GBE1: variants seen among roughly 807,000 people sequenced by gnomAD.
GBE1 encodes the protein 1,4-alpha-glucan-branching enzyme.
Under a neutral mutation model 88.8 loss-of-function variants are expected in GBE1, and 70 were observed. The observed-to-expected ratio is 0.79, with a 90% confidence interval of 0.65 to 0.96. The LOEUF is 0.96. Ranked by LOEUF, GBE1 falls within the 40% of genes least tolerant of loss-of-function variation. The pLI, the probability that GBE1 is intolerant of heterozygous loss-of-function variation, is 0.00. For missense variants in GBE1, 872 were observed against 871.0 expected, an observed-to-expected ratio of 1.00 and a Z score of -0.01; for synonymous variants, 284 against 300.1, an observed-to-expected ratio of 0.95 and a Z score of 0.56.
chr3:81,627,450 T>C lies in GBE1; in HGVS notation c.992+15331A>G, dbSNP rs1006819998. Among the ~76,000 whole-genome samples the C allele has an allele frequency of 2.0e-5, 3 of 152,222 alleles. No homozygotes were observed. The South Asian group carries it at 6.2e-4, about 32-fold the overall frequency. ...TATGATAATAATGCAATCCAATAAC[T>C]GGTATAATAAAACACATACTCACAT... On this transcript the variant is annotated intron_variant, in intron 7 of 15. Transcript: ENST00000429644.
At chr3:81,602,902 C>CACTCGAT in intron 7 of GBE1, among the ~76,000 whole-genome samples, 1 of 152,266 alleles carries the variant, frequency 6.6e-6, no homozygotes, top group Non-Finnish European at 1.5e-5. Flanking sequence ...AGAAACTTCT[C>CACTCGAT]ACTCGATACT....
chr3:81,693,635 AG>A (rs1705552757), intron 2 of GBE1, among the ~76,000 whole-genome samples: 1 of 152,120 alleles, frequency 6.6e-6, no homozygotes, highest in African/African-American at 2.4e-5. Context: ...CTGTTACTTA[AG>A]GGAAGGAAAG....
chr3:81,576,177 C>A (rs1576155701), intron 12 of GBE1, among the ~76,000 whole-genome samples: 1 of 151,558 alleles, frequency 6.6e-6, no homozygotes, highest in Non-Finnish European at 1.5e-5. Context: ...ACCTAATAAA[C>A]ATTTTATTAC....
chr3:81,706,794 TAA>T (rs2107170537), intron 1 of GBE1, among the ~76,000 whole-genome samples: 1 of 151,964 alleles, frequency 6.6e-6, no homozygotes, highest in South Asian at 2.1e-4. Flanking sequence ...GAATGAAAAG[TAA>T]AAGACTGCAG....
intron 12 of GBE1, among the ~76,000 whole-genome samples, chr3:81,539,685 C>A (rs971362936): frequency 6.6e-6 from 1 of 151,816 alleles, no homozygotes; most frequent in Non-Finnish European, 1.5e-5. Context: ...GACTGAATGG[C>A]GACAGTGAGG....
intron 2 of GBE1, among the ~76,000 whole-genome samples, chr3:81,700,704 T>G (rs907488083): frequency 2.6e-5 from 4 of 152,142 alleles, no homozygotes; most frequent in African/African-American, 9.7e-5. Context: ...AAAAAAATTA[T>G]AGACAAAACT....
chr3:81,500,233 A>G (rs945352028), intron 14 of GBE1, among the ~76,000 whole-genome samples: 1 of 152,132 alleles, frequency 6.6e-6, no homozygotes, highest in Non-Finnish European at 1.5e-5. Context: ...GAAACTGATA[A>G]TCAGAATATT....
chr3:81,685,311 GTT>G (rs1292248079), intron 2 of GBE1, among the ~76,000 whole-genome samples: 3 of 152,132 alleles, frequency 2.0e-5, no homozygotes, highest in African/African-American at 7.2e-5. Context: ...AGAAAGACAA[GTT>G]TTTTGTTGTT....
chr3:81,619,219 T>C (rs1048595765), intron 7 of GBE1, among the ~76,000 whole-genome samples: 1 of 152,122 alleles, frequency 6.6e-6, no homozygotes, highest in Non-Finnish European at 1.5e-5. Context: ...GCATGTAGTA[T>C]TCATTCTATA....
chr3:81,571,972 C>A (rs989927609), intron 12 of GBE1, among the ~76,000 whole-genome samples: 1 of 152,042 alleles, frequency 6.6e-6, no homozygotes, highest in Non-Finnish European at 1.5e-5. Flanking sequence ...GTGTCCCCAC[C>A]CAAATCTCAT....
chr3:81,705,319 G>C, intron 2 of GBE1, 125 bp downstream of exon 2: 1 of 713,118 alleles, frequency 1.4e-6, no homozygotes, highest in Non-Finnish European at 2.2e-6. Flanking sequence ...GGCTCTATCT[G>C]AAAAGTCTGA....
chr3:81,597,759 C>T (rs1576164090), intron 7 of GBE1, among the ~76,000 whole-genome samples: 1 of 151,410 alleles, frequency 6.6e-6, no homozygotes, highest in Non-Finnish European at 1.5e-5. Flanking sequence ...GTCAAAGGTG[C>T]CTAATATAGA....
At chr3:81,569,931 A>G (rs1028166645) in intron 12 of GBE1, among the ~76,000 whole-genome samples, 5 of 152,056 alleles carry the variant, frequency 3.3e-5, no homozygotes, top group African/African-American at 1.2e-4. Context: ...TCTCTGCCTC[A>G]GCCTCCCGAG....
chr3:81,755,797 TGGA>T (rs1164634769), intron 1 of GBE1, among the ~76,000 whole-genome samples: 2 of 152,048 alleles, frequency 1.3e-5, no homozygotes, highest in Admixed American at 6.6e-5. Context: ...GAAAGTAGAT[TGGA>T]GGTTACCAGA....
chr3:81,593,893 T>TA lies in GBE1; in HGVS notation c.1108+14dup. 7.5e-7 allele frequency: 1 copy of TA among 1,330,036 alleles called. No individual in the cohort carries two copies. The highest frequency in any genetic ancestry group is 1.1e-6 in the Non-Finnish European group (1 of 948,562). 82.4% of individuals were successfully genotyped at this position (1,330,036 alleles called of 1,614,324 possible). On this transcript the variant is annotated intron_variant, in intron 8 of 15. Transcript: ENST00000429644. ...CTGCAATTAACCCCAAACCTGATTATATCAGGTTACCTACCCACTCCATGG... is the reference window on the plus strand; with the variant it reads ...CTGCAATTAACCCCAAACCTGATTATAATCAGGTTACCTACCCACTCCATGG...
intron 12 of GBE1, among the ~76,000 whole-genome samples, chr3:81,548,765 T>C (rs895903471): frequency 4.6e-5 from 7 of 150,722 alleles, no homozygotes; most frequent in Non-Finnish European, 1.0e-4. Flanking sequence ...AGGACTCTCA[T>C]GGAGAGCTGA....
intron 14 of GBE1, among the ~76,000 whole-genome samples, chr3:81,508,895 A>T (rs2106824784): frequency 6.6e-6 from 1 of 152,062 alleles, no homozygotes; most frequent in East Asian, 1.9e-4. Flanking sequence ...TACTTCCTGG[A>T]GGCTCAGTCT....
chr3:81,727,960 A>G (rs1706135383), intron 1 of GBE1, among the ~76,000 whole-genome samples: 1 of 152,086 alleles, frequency 6.6e-6, no homozygotes, highest in Non-Finnish European at 1.5e-5. Flanking sequence ...TGCTCCTATA[A>G]TATTATTTAG....
chr3:81,661,112 C>T (rs980935404), intron 3 of GBE1, among the ~76,000 whole-genome samples: 1 of 151,084 alleles, frequency 6.6e-6, no homozygotes, highest in South Asian at 2.1e-4. Context: ...AAGCATGAAA[C>T]ATTTTTATTT....
Sources: allele counts gnomAD v4.1 joint callset (sites outside exome capture counted in the v4.1 genomes callset), GRCh38; gene constraint gnomAD v4.1.1; transcripts MANE v1.5; gene names NCBI Gene and HGNC (gene_info 2026-07-23, HGNC 2026-07-21).